RPGRIP1L: variants seen among roughly 807,000 people sequenced by gnomAD.
RPGRIP1L encodes protein fantom.
A neutral mutation model predicts 160.4 loss-of-function variants in RPGRIP1L; 131 were observed. That is an observed-to-expected ratio of 0.82 (90% CI 0.71 to 0.94). RPGRIP1L has a LOEUF of 0.94. Ranked by LOEUF, RPGRIP1L falls within the 40% of genes least tolerant of loss-of-function variation. The probability of loss-of-function intolerance (pLI) is 0.00; values close to 1 mark genes in which losing one functional copy is unlikely to be tolerated. For missense variants in RPGRIP1L, 1,522 were observed against 1,535.8 expected (o/e 0.99, Z 0.15); for synonymous variants, 510 against 515.8 (o/e 0.99, Z 0.15).
In RPGRIP1L at chr16:53,652,932, G is replaced by T. The variant is rs767506927; in HGVS notation, c.1755C>A (p.Ile585=). Residue 585 remains isoleucine, a synonymous_variant, in exon 15 of 27, where the codon ATC becomes ATA. Transcript: ENST00000647211. ...ATTCATCAACAGAGTCATCTGGCAT[G>T]ATTTCTGGTTTAAATTTGTACTGCT... ...GTKQYKFKPE[I]MPDDSVDEFD... is the part of the protein sequence containing the mutation. The T allele has an allele frequency of 3.1e-6, 5 of 1,613,538 alleles. No individual in the cohort carries two copies. The highest frequency in any genetic ancestry group is 4.2e-6 in the Non-Finnish European group (5 of 1,179,920).
chr16:53,687,780 T>C (rs373114162), intron 5 of RPGRIP1L, 83 bp downstream of exon 5: 1 of 847,892 alleles, frequency 1.2e-6, no homozygotes, highest in Non-Finnish European at 2.0e-6. Context: ...TGTTTACATA[T>C]AAATAAAGGA....
rs199926524 is a variant in RPGRIP1L at position 53,610,948 on chromosome 16, T to G, written c.3701+19A>C. On this transcript the variant is annotated intron_variant, in intron 25 of 26. Coordinates refer to ENST00000647211, the MANE Select transcript of RPGRIP1L (RefSeq NM_015272.5). ...TACTTTATGTAAACCATTAGATTAT[T>G]TGGACTGCCAAAACATACCTTCTAT... 1.4e-4 allele frequency: 218 copies of G among 1,548,860 alleles called. No individual in the cohort carries two copies. Among genetic ancestry groups the G allele is most frequent in the Non-Finnish European group, 1.8e-4 (200 of 1,120,528 alleles).
intron 26 of RPGRIP1L, 116 bp downstream of exon 26, chr16:53,605,365 G>T: frequency 8.7e-7 from 1 of 1,151,050 alleles, no homozygotes. Context: ...AGTTGTAAAG[G>T]ATTCAAGTAA....
intron 22 of RPGRIP1L, among the ~76,000 whole-genome samples, chr16:53,633,305 A>G (rs1965634374): frequency 6.6e-6 from 1 of 152,230 alleles, no homozygotes; most frequent in Non-Finnish European, 1.5e-5. Flanking sequence ...GATATGATGC[A>G]ATGAAGAGCA....
Position 53,610,911 on chromosome 16 carries a change from G to A in RPGRIP1L, c.3701+56C>T, listed in dbSNP as rs911647018. The A allele has an allele frequency of 3.7e-6, 5 of 1,345,476 alleles. No homozygotes were observed. The South Asian group carries it at 4.7e-5, about 13-fold the overall frequency. The allele number at this position is 1,345,476 out of a possible 1,614,324, so 83.3% of individuals were successfully genotyped here. On this transcript the variant is annotated intron_variant, in intron 25 of 26. Transcript: ENST00000647211. ...GTGCCTTTTATTTTAACCATGTCCT[G>A]CTACAGAGATCTACTTTATGTAAAC...
chr16:53,701,415 A>T (rs1259528537), intron 1 of RPGRIP1L, among the ~76,000 whole-genome samples: 1 of 151,788 alleles, frequency 6.6e-6, no homozygotes, highest in Non-Finnish European at 1.5e-5. Context: ...CTACTTCAAC[A>T]TATAGGCTCT....
At chr16:53,608,183 G>T (rs1409438692) in intron 25 of RPGRIP1L, among the ~76,000 whole-genome samples, 1 of 152,122 alleles carries the variant, frequency 6.6e-6, no homozygotes, top group Non-Finnish European at 1.5e-5. Flanking sequence ...TTCATGCCTG[G>T]AGTTCCCTTT....
intron 9 of RPGRIP1L, among the ~76,000 whole-genome samples, chr16:53,667,881 A>T (rs1040019035): frequency 6.6e-6 from 1 of 151,882 alleles, no homozygotes; most frequent in African/African-American, 2.4e-5. Context: ...TCAAAAAAAA[A>T]ATTAAAAAAT....
At chr16:53,697,179 C>T (rs1252833226) in intron 2 of RPGRIP1L, among the ~76,000 whole-genome samples, 3 of 150,612 alleles carry the variant, frequency 2.0e-5, no homozygotes, top group South Asian at 4.2e-4. Context: ...GAGAGCGAGA[C>T]TCTGTCTCAA....
intron 24 of RPGRIP1L, among the ~76,000 whole-genome samples, chr16:53,614,746 C>G (rs1964250567): frequency 1.3e-5 from 2 of 152,144 alleles, no homozygotes; most frequent in South Asian, 4.1e-4. Context: ...AGTATCAGAA[C>G]TCTCCAAAAG....
At chr16:53,625,319 GC>G (rs896593637) in intron 22 of RPGRIP1L, among the ~76,000 whole-genome samples, 42 of 151,566 alleles carry the variant, frequency 2.8e-4, no homozygotes, top group Middle Eastern at 6.8e-3. Context: ...GATGTGGGGA[GC>G]GCCTCCGCGG....
intron 26 of RPGRIP1L, among the ~76,000 whole-genome samples, chr16:53,603,674 ATGTGTGTGTGTGTG>A (rs3035223): frequency 6.8e-6 from 1 of 147,952 alleles, no homozygotes; most frequent in East Asian, 2.0e-4. Context: ...TTGAACTTTA[ATGTGTGTGTGTGTG>A]TGTGTGTGTG....
chr16:53,632,519 A>G (rs752289476), intron 22 of RPGRIP1L, among the ~76,000 whole-genome samples: 5 of 152,178 alleles, frequency 3.3e-5, no homozygotes, highest in Non-Finnish European at 7.4e-5. Flanking sequence ...CCCAGTCCCT[A>G]GAACAAGGCT....
intron 3 of RPGRIP1L, 30 bp downstream of exon 3, chr16:53,696,121 G>A (rs1273916014): frequency 6.2e-7 from 1 of 1,609,850 alleles, no homozygotes; most frequent in East Asian, 2.2e-5. Context: ...ACTGAGTCAA[G>A]AAAAAAAGCT....
intron 9 of RPGRIP1L, among the ~76,000 whole-genome samples, chr16:53,671,070 T>C (rs1432699856): frequency 6.6e-6 from 1 of 152,066 alleles, no homozygotes; most frequent in Non-Finnish European, 1.5e-5. Context: ...GCACTCCAGC[T>C]TGGGTGACTG....
intron 15 of RPGRIP1L, among the ~76,000 whole-genome samples, chr16:53,650,177 C>T (rs979282514): frequency 1.3e-5 from 2 of 152,004 alleles, no homozygotes; most frequent in Non-Finnish European, 2.9e-5. Context: ...GATGAGGCCA[C>T]GAGGGATCCA....
intron 10 of RPGRIP1L, 77 bp from the exon 11 acceptor site, chr16:53,658,955 C>G: frequency 1.1e-6 from 1 of 946,190 alleles, no homozygotes; most frequent in Admixed American, 2.0e-5. Flanking sequence ...TACTTTAATT[C>G]CTGTTCCACA....
intron 6 of RPGRIP1L, among the ~76,000 whole-genome samples, chr16:53,683,173 ACT>A (rs141982276): frequency 0.032 from 4,794 of 152,122 alleles, 160 homozygotes; most frequent in East Asian, 0.14. Context: ...AGATGAATAA[ACT>A]CTGAATCTGA....
intron 4 of RPGRIP1L, among the ~76,000 whole-genome samples, chr16:53,690,929 C>T (rs2892490): frequency 0.011 from 1,691 of 152,292 alleles, 17 homozygotes; most frequent in African/African-American, 0.029. Context: ...TCAGAGTCTA[C>T]TGCCAATCTC....
Sources: allele counts gnomAD v4.1 joint callset (sites outside exome capture counted in the v4.1 genomes callset), GRCh38; gene constraint gnomAD v4.1.1; transcripts MANE v1.5; gene names NCBI Gene and HGNC (gene_info 2026-07-23, HGNC 2026-07-21).